Variants in MSI2 observed in about 807,000 individuals in gnomAD.
The protein encoded by MSI2 is RNA-binding protein Musashi homolog 2.
MSI2 carries 17 observed loss-of-function variants against 45.6 expected under a neutral mutation model. That is an observed-to-expected ratio of 0.37 (90% confidence interval 0.26 to 0.56). The LOEUF is 0.56. Ranked by LOEUF, MSI2 falls within the 20% of genes least tolerant of loss-of-function variation. The pLI is 0.77. For synonymous variants in MSI2, 156 were observed against 158.2 expected (o/e 0.99, Z 0.11); for missense variants, 293 against 444.2 (o/e 0.66, Z 3.06).
Position 57,495,980 on chromosome 17 carries a change from AT to A in MSI2, c.406-33690del, listed in dbSNP as rs1269591192. Reference sequence around the variant, plus strand: ...AGTCTTTTGCTATGGCTCAGGGAGCATTTTTTGTGACAGTAATAGGCTACAG... The same window carrying A: ...AGTCTTTTGCTATGGCTCAGGGAGCATTTTTGTGACAGTAATAGGCTACAG... On this transcript the variant is annotated intron_variant, in intron 6 of 13. Transcript: ENST00000284073. 3.3e-5 allele frequency among the ~76,000 whole-genome samples: 5 copies of A among 152,276 alleles called. No homozygotes were observed. In the East Asian group the frequency reaches 9.6e-4, roughly 29 times the overall value.
intron 6 of MSI2, among the ~76,000 whole-genome samples, chr17:57,498,941 C>T (rs1327567975): frequency 1.5e-5 from 2 of 136,910 alleles, no homozygotes; most frequent in African/African-American, 2.7e-5. Context: ...CAACAGGCCC[C>T]GGTGTGTGAT....
At chr17:57,262,777 T>G (rs1450055163) in intron 5 of MSI2, among the ~76,000 whole-genome samples, 1 of 152,238 alleles carries the variant, frequency 6.6e-6, no homozygotes, top group Non-Finnish European at 1.5e-5. Context: ...CTGAAAATGT[T>G]GTAACCTTGT....
In MSI2 at chr17:57,401,376, C is replaced by T; in HGVS notation, c.313-3C>T. 6.2e-7 allele frequency: 1 copy of T among 1,612,628 alleles called. No homozygotes were observed. Among genetic ancestry groups the T allele is most frequent in the Non-Finnish European group, 8.5e-7 (1 of 1,178,606 alleles). On this transcript the variant is annotated splice_region_variant and splice_polypyrimidine_tract_variant and intron_variant, in intron 5 of 13. Transcript: ENST00000284073. ...CATGCCTTTCTCTTGTCATTTCTTG[C>T]AGATGGTCACAAGAACAAAGAAAAT...
chr17:57,563,797 C>T (rs535543209), intron 7 of MSI2, among the ~76,000 whole-genome samples: 3 of 149,000 alleles, frequency 2.0e-5, no homozygotes, highest in African/African-American at 7.5e-5. Context: ...GGCCTCTGTA[C>T]AGATGGACCC....
chr17:57,424,129 C>T (rs147501582), intron 6 of MSI2, among the ~76,000 whole-genome samples: 4 of 152,276 alleles, frequency 2.6e-5, no homozygotes, highest in East Asian at 1.9e-4. Context: ...CTGAACTCTC[C>T]GAATGTTCTC....
intron 7 of MSI2, among the ~76,000 whole-genome samples, chr17:57,537,953 T>A (rs2086956263): frequency 6.6e-6 from 1 of 152,180 alleles, no homozygotes; most frequent in Non-Finnish European, 1.5e-5. Context: ...ACCTAATAGG[T>A]CTTCCTGCCT....
intron 6 of MSI2, among the ~76,000 whole-genome samples, chr17:57,443,093 C>T (rs551632624): frequency 9.2e-5 from 14 of 152,224 alleles, no homozygotes; most frequent in African/African-American, 2.6e-4. Context: ...GATGTCTGTG[C>T]CTGTCTGCAG....
intron 6 of MSI2, among the ~76,000 whole-genome samples, chr17:57,419,356 A>T (rs2084353487): frequency 8.7e-6 from 1 of 115,336 alleles, no homozygotes; most frequent in South Asian, 3.7e-4. Flanking sequence ...TAACGCAATT[A>T]TTACATTTTT....
chr17:57,474,594 C>T (rs2085502515), intron 6 of MSI2, among the ~76,000 whole-genome samples: 1 of 152,182 alleles, frequency 6.6e-6, no homozygotes. Flanking sequence ...GCAAAATTGC[C>T]CCTGGTTGAG....
chr17:57,533,495 A>G (rs2086863416), intron 7 of MSI2, among the ~76,000 whole-genome samples: 2 of 152,134 alleles, frequency 1.3e-5, no homozygotes, highest in South Asian at 2.1e-4. Context: ...GAGACCTGGG[A>G]TTGATGAGCC....
intron 5 of MSI2, among the ~76,000 whole-genome samples, chr17:57,270,075 G>A (rs747992455): frequency 3.5e-4 from 54 of 152,146 alleles, no homozygotes; most frequent in Non-Finnish European, 1.0e-4. Flanking sequence ...CATCTGGAAT[G>A]TTAGCCTTAG....
At chr17:57,321,463 C>A (rs1379218424) in intron 5 of MSI2, among the ~76,000 whole-genome samples, 2 of 152,174 alleles carry the variant, frequency 1.3e-5, no homozygotes, top group Non-Finnish European at 2.9e-5. Context: ...CTCTAGCCTT[C>A]CGTCCCAAAT....
chr17:57,530,130 C>A (rs2086790712), intron 7 of MSI2, among the ~76,000 whole-genome samples: 1 of 152,066 alleles, frequency 6.6e-6, no homozygotes, highest in Non-Finnish European at 1.5e-5. Context: ...ATCTAAAGAG[C>A]CAAAAAATCA....
At chr17:57,485,372 T>G (rs1169461577) in intron 6 of MSI2, among the ~76,000 whole-genome samples, 1 of 152,244 alleles carries the variant, frequency 6.6e-6, no homozygotes, top group African/African-American at 2.4e-5. Flanking sequence ...GGTTAACGTA[T>G]GAAGCTTTCT....
intron 6 of MSI2, among the ~76,000 whole-genome samples, chr17:57,511,898 T>G (rs937994984): frequency 1.3e-5 from 2 of 152,134 alleles, no homozygotes; most frequent in African/African-American, 4.8e-5. Context: ...TTCTGCAGTT[T>G]CCCTGCCCTG....
intron 5 of MSI2, among the ~76,000 whole-genome samples, chr17:57,383,688 C>A (rs1032688404): frequency 2.6e-5 from 4 of 152,116 alleles, no homozygotes; most frequent in Non-Finnish European, 5.9e-5. Flanking sequence ...AAATAGAAAT[C>A]ATTTCTACCC....
chr17:57,545,869 C>G (rs190393760), intron 7 of MSI2, among the ~76,000 whole-genome samples: 1 of 151,572 alleles, frequency 6.6e-6, no homozygotes, highest in Non-Finnish European at 1.5e-5. Context: ...CAGCGGCCAC[C>G]GGCTTATCTG....
At chr17:57,619,904 A>G (rs919539765) in intron 9 of MSI2, among the ~76,000 whole-genome samples, 2 of 152,242 alleles carry the variant, frequency 1.3e-5, no homozygotes, top group Non-Finnish European at 2.9e-5. Flanking sequence ...GTTGCAGTTC[A>G]GAGCCTATTG....
chr17:57,382,751 A>G (rs576494536), intron 5 of MSI2, among the ~76,000 whole-genome samples: 1 of 152,362 alleles, frequency 6.6e-6, no homozygotes, highest in South Asian at 2.1e-4. Flanking sequence ...GATTTATTCC[A>G]AGTAGCTGCT....
Sources: allele counts gnomAD v4.1 joint callset (sites outside exome capture counted in the v4.1 genomes callset), GRCh38; gene constraint gnomAD v4.1.1; transcripts MANE v1.5; gene names NCBI Gene and HGNC (gene_info 2026-07-23, HGNC 2026-07-21).